METTL21C: variants seen among roughly 807,000 people sequenced by gnomAD.
The protein encoded by METTL21C is methyltransferase 21C, AARS1 lysine.
A neutral mutation model predicts 25.9 loss-of-function variants in METTL21C; 21 were observed. The observed-to-expected ratio is 0.81, with a 90% CI of 0.58 to 1.17. METTL21C has a LOEUF of 1.17. Ranked by LOEUF, METTL21C falls within the 50% of genes most tolerant of loss-of-function variation. METTL21C has a pLI of 0.00. For missense variants in METTL21C, 312 were observed against 315.1 expected (o/e 0.99, Z 0.07); for synonymous variants, 125 against 124.7 (o/e 1.00, Z -0.01).
rs1885688970 is a variant in METTL21C, at chr13:102,686,888, A to G, written c.400+52T>C. ...GCCTGTCATAGAGTAAGCACTTGCT[A>G]TTGTTGTTACAGTAAAGATCTGGAT... On this transcript the variant is annotated intron_variant, in intron 3 of 3. Coordinates refer to ENST00000267273, the MANE Select transcript of METTL21C (RefSeq NM_001010977.3). 7.1e-6 allele frequency: 10 copies of G among 1,415,776 alleles called. No individual in the cohort carries two copies. In the Admixed American group the frequency reaches 8.4e-5, roughly 12 times the overall value. The allele number at this position is 1,415,776 out of a possible 1,614,324, so 87.7% of individuals were successfully genotyped here.
At chr13:102,701,318 G>A in the METTL21C span, among the ~76,000 whole-genome samples, 3 of 152,104 alleles carry the variant, frequency 2.0e-5, no homozygotes, top group African/African-American at 7.2e-5. Context: ...TGTTTCCTTC[G>A]TCTCTGAGAG....
rs777922813 is a variant in METTL21C at position 102,694,436 on chromosome 13, C to A, written c.63G>T (p.Pro21=). The A allele has an allele frequency of 6.8e-7, 1 of 1,464,890 alleles. No individual in the cohort carries two copies. The highest frequency in any genetic ancestry group is 9.0e-7 in the Non-Finnish European group (1 of 1,114,596). 90.7% of individuals were successfully genotyped at this position (1,464,890 alleles called of 1,614,324 possible). ...TCTTCTCAGCCTCTAACCAGCCACC[C>A]GGGGAGCTGAGTCCTTCCCCCCGGC... ...PGRRGEGLSS[P]GGWLEAEKKG... The change falls in exon 1 of 4, where the codon CCG becomes CCT. Residue 21 remains proline (P), a synonymous_variant. Coordinates refer to ENST00000267273, the MANE Select transcript of METTL21C (RefSeq NM_001010977.3).
intron 3 of METTL21C, 146 bp downstream of exon 3, chr13:102,686,794 G>A (rs1463007866): frequency 1.7e-5 from 11 of 654,840 alleles, no homozygotes; most frequent in Non-Finnish European, 3.0e-5. Flanking sequence ...GATAACAGCA[G>A]TAATTCCTGC....
the METTL21C span, among the ~76,000 whole-genome samples, chr13:102,702,589 A>AT: frequency 9.5e-3 from 1,392 of 146,302 alleles, 12 homozygotes; most frequent in African/African-American, 0.014. Flanking sequence ...CAAAAACAGG[A>AT]TTTTTTTTTT....
rs146196219 is a variant in METTL21C, at chr13:102,686,958, T to A, written c.382A>T (p.Ile128Phe). ...AACAAACCTAAAATACTGGCCACAA[T>A]GGAAACAAGGCCTGGTCCGGCACCA... ...EIGAGPGLVS[I>F]VASILGAQVT... Residue 128 changes from isoleucine (I) to phenylalanine (F), a missense_variant, in exon 3 of 4, where the codon ATT becomes TTT. Ile to Phe is a conservative substitution (Grantham distance 21). Coordinates refer to ENST00000267273, the MANE Select transcript of METTL21C (RefSeq NM_001010977.3). 67 of 1,613,946 alleles carry A rather than the reference T, an allele frequency of 4.2e-5. No homozygotes were observed. The African/African-American group carries it at 8.1e-4, about 20-fold the overall frequency.
At chr13:102,693,422 C>T (rs1595246038) in intron 1 of METTL21C, among the ~76,000 whole-genome samples, 7 of 152,292 alleles carry the variant, frequency 4.6e-5, no homozygotes, top group African/African-American at 9.6e-5. Flanking sequence ...CCTGTACCAG[C>T]CCCTGCCGGC....
intron 2 of METTL21C, among the ~76,000 whole-genome samples, chr13:102,687,461 A>G (rs1232873839): frequency 6.6e-6 from 1 of 152,230 alleles, no homozygotes; most frequent in African/African-American, 2.4e-5. Context: ...TTTTTAAATT[A>G]TAGAAGTAAT....
chr13:102,688,166 T>A (rs1470130083), intron 2 of METTL21C, among the ~76,000 whole-genome samples: 1 of 152,210 alleles, frequency 6.6e-6, no homozygotes. Context: ...GACTCTACTT[T>A]CTATTTGGGG....
At chr13:102,698,388 CTTG>C (rs1315657038), upstream of METTL21C, among the ~76,000 whole-genome samples, 1 of 152,150 alleles carries the variant, frequency 6.6e-6, no homozygotes, top group Non-Finnish European at 1.5e-5. Context: ...GACGCACTTC[CTTG>C]TTGTTGTTTG....
At chr13:102,693,649 C>G (rs1885881131) in intron 1 of METTL21C, among the ~76,000 whole-genome samples, 1 of 152,218 alleles carries the variant, frequency 6.6e-6, no homozygotes. Context: ...CACGTATTCT[C>G]TCATAAGACC....
rs758591152 is a variant in METTL21C at position 102,694,898 on chromosome 13, TCTCA to T, written c.-404_-401del. 0.015 allele frequency among the ~76,000 whole-genome samples: 2,190 copies of T among 141,472 alleles called. 45 individuals are homozygous for T. The highest frequency in any genetic ancestry group is 0.054 in the African/African-American group (2,033 of 37,514). 92.8% of individuals were successfully genotyped at this position (141,472 alleles called of 152,430 possible). A position where few individuals can be genotyped will look rare whatever the true frequency, so the allele number is the denominator to read the frequency against. ...TTCTCTCTCTCTCTCTCTCTCTCTC[TCTCA>T]CACACACACACACACACACACACAC... is the stretch of plus-strand genomic sequence containing the variant. On this transcript the variant is annotated 5_prime_UTR_variant, in exon 1 of 4. An upstream open reading frame in the 5' UTR loses its in-frame stop. Coordinates refer to ENST00000267273, the MANE Select transcript of METTL21C (RefSeq NM_001010977.3).
At chr13:102,697,691 C>T (rs1033751212), upstream of METTL21C, among the ~76,000 whole-genome samples, 1 of 152,072 alleles carries the variant, frequency 6.6e-6, no homozygotes, top group Admixed American at 6.6e-5. Flanking sequence ...AAGCCCCCAT[C>T]TTACTTAGTC....
At chr13:102,690,677 TC>T in intron 2 of METTL21C, 135 bp downstream of exon 2, 1 of 978,262 alleles carries the variant, frequency 1.0e-6, no homozygotes, top group African/African-American at 1.7e-5. Flanking sequence ...ACCAACACCC[TC>T]CAGGGGGCAA....
chr13:102,688,836 G>A (rs1188131205), intron 2 of METTL21C, among the ~76,000 whole-genome samples: 2 of 148,166 alleles, frequency 1.3e-5, no homozygotes, highest in African/African-American at 2.5e-5. Flanking sequence ...TTTTCTCAGG[G>A]ACAGCTGTGT....
At chr13:102,689,035 T>G (rs1324176761) in intron 2 of METTL21C, among the ~76,000 whole-genome samples, 1 of 152,196 alleles carries the variant, frequency 6.6e-6, no homozygotes, top group African/African-American at 2.4e-5. Flanking sequence ...GAGTGATACC[T>G]TGTTCAGAAT....
rs773063340 is a variant in METTL21C at position 102,686,299 on chromosome 13, A to G, written c.527T>C (p.Leu176Pro). 2 of 1,614,220 alleles carry G rather than the reference A, an allele frequency of 1.2e-6. No individual in the cohort carries two copies. The highest frequency in any genetic ancestry group is 1.7e-6 in the Non-Finnish European group (2 of 1,180,026). The change falls in exon 4 of 4, where the codon CTG becomes CCG. Residue 176 changes from leucine (L) to proline (P), a missense_variant. Coordinates refer to ENST00000267273, the MANE Select transcript of METTL21C (RefSeq NM_001010977.3). Reference protein sequence around the residue: ...EVKELVWGEDLDKNFPKSAFY... With the variant: ...EVKELVWGEDPDKNFPKSAFY... ...AGCTGACTTGGGAAAGTTTTTGTCC[A>G]GGTCTTCCCCCCATACCAGTTCTTT...
In METTL21C at chr13:102,686,078, G is replaced by T. The variant is rs1885660647; in HGVS notation, c.748C>A (p.Pro250Thr). The T allele has an allele frequency of 6.2e-7, 1 of 1,608,510 alleles. No individual in the cohort carries two copies. The part of the protein sequence containing the change: ...VFDTTLLAEY[P>T]ESSVKLFKGI... ...TTAAAAAGTTTGACTGATGACTCTG[G>T]ATATTCAGCCAACAGTGTTGTGTCA... Residue 250 changes from proline to threonine, a missense_variant, in exon 4 of 4, where the codon CCA becomes ACA. Physicochemically the swap from Pro to Thr is conservative, Grantham distance 38. Coordinates refer to ENST00000267273, the MANE Select transcript of METTL21C (RefSeq NM_001010977.3).
At position 102,686,209 on chromosome 13, in the gene METTL21C, A is replaced by G. The variant is rs753430532; in HGVS notation, c.617T>C (p.Leu206Pro). 1.9e-6 allele frequency: 3 copies of G among 1,614,100 alleles called. No homozygotes were observed. The highest frequency in any genetic ancestry group is 2.5e-6 in the Non-Finnish European group (3 of 1,180,046). ...CTGGGAAAGGTACACCATGGTGGTG[A>G]GCAGCTTGTCCAGGAAGTAGTGATG... ...VYHHYFLDKL[L>P]TTMVYLSQPG... Residue 206 changes from leucine to proline, a missense_variant, in exon 4 of 4, where the codon CTC becomes CCC. Coordinates refer to ENST00000267273, the MANE Select transcript of METTL21C (RefSeq NM_001010977.3).
chr13:102,689,433 G>C (rs1309873895), intron 2 of METTL21C, among the ~76,000 whole-genome samples: 1 of 152,194 alleles, frequency 6.6e-6, no homozygotes, highest in Non-Finnish European at 1.5e-5. Context: ...CGACACCTAA[G>C]AGCCTGAAGC....
Sources: gnomAD v4.1 joint callset for allele counts (sites outside exome capture counted in the v4.1 genomes callset) on GRCh38, gnomAD v4.1.1 for gene constraint, MANE v1.5 for transcripts, NCBI Gene and HGNC (gene_info 2026-07-23, HGNC 2026-07-21) for gene names.